Variants in MPRIP observed in about 807,000 individuals in gnomAD.
MPRIP encodes the protein myosin phosphatase Rho-interacting protein.
MPRIP carries 59 observed loss-of-function variants against 234.9 expected under a neutral mutation model. That is an observed-to-expected ratio of 0.25 (90% CI 0.20 to 0.31). The LOEUF is 0.31. Ranked by LOEUF, MPRIP falls within the 10% of genes least tolerant of loss-of-function variation. The probability of loss-of-function intolerance (pLI) is 1.00; values close to 1 mark genes in which losing one functional copy is unlikely to be tolerated. For synonymous variants in MPRIP, 1,144 were observed against 1,263.9 expected (o/e 0.91, Z 2.01); for missense variants, 2,436 against 3,071.0 (o/e 0.79, Z 4.89).
At chr17:17,134,397 G>A (rs1167015646) in intron 5 of MPRIP, among the ~76,000 whole-genome samples, 1 of 152,198 alleles carries the variant, frequency 6.6e-6, no homozygotes, top group Non-Finnish European at 1.5e-5. Context: ...AGGATGCTGT[G>A]CTTGGTGCAG....
chr17:17,173,394 C>T (rs2046186692), intron 18 of MPRIP, among the ~76,000 whole-genome samples: 1 of 152,244 alleles, frequency 6.6e-6, no homozygotes, highest in Non-Finnish European at 1.5e-5. Flanking sequence ...GAGCTGGCAG[C>T]AGTCAGCAGC....
At chr17:17,175,955 A>G (rs975045892) in intron 20 of MPRIP, among the ~76,000 whole-genome samples, 3 of 152,180 alleles carry the variant, frequency 2.0e-5, no homozygotes, top group Non-Finnish European at 4.4e-5. Context: ...TGGCAGTGAC[A>G]CTGAGAGGCC....
intron 12 of MPRIP, among the ~76,000 whole-genome samples, chr17:17,152,930 C>A (rs1481561041): frequency 1.3e-5 from 2 of 152,180 alleles, no homozygotes; most frequent in African/African-American, 4.8e-5. Flanking sequence ...GGGGGATCCC[C>A]TGGAATTCCG....
intron 5 of MPRIP, 116 bp downstream of exon 5, chr17:17,131,817 A>C (rs2090602405): frequency 1.1e-6 from 1 of 875,018 alleles, no homozygotes; most frequent in African/African-American, 1.7e-5. Flanking sequence ...TGAGGCAGTC[A>C]CCAACTCTGC....
intron 11 of MPRIP, chr17:17,149,704 TA>T (rs1351844348): frequency 1.1e-4 from 16 of 145,542 alleles, no homozygotes; most frequent in Admixed American, 9.9e-4. Context: ...TATTAATATA[TA>T]TTTTCATATA....
chr17:17,119,693 C>T lies in MPRIP; in HGVS notation c.268-7009C>T, dbSNP rs554492959. Among the ~76,000 whole-genome samples, 3 of 152,302 alleles carry T rather than the reference C, an allele frequency of 2.0e-5. No homozygotes were observed. The East Asian group carries it at 5.8e-4, about 29-fold the overall frequency. On this transcript the variant is annotated intron_variant, in intron 3 of 23. Coordinates refer to ENST00000651222, the MANE Select transcript of MPRIP (RefSeq NM_001364716.4). ...CTGCAAGGCAATTCCCTGTGTCCTC[C>T]CTAGAACGTGCCGAGCTGCCTGTCC...
At chr17:17,077,672 A>G in intron 2 of MPRIP, 1 of 244,662 alleles carries the variant, frequency 4.1e-6, no homozygotes, top group South Asian at 8.2e-5. Context: ...ATGTCATGTG[A>G]TGCATTCTAT....
intron 17 of MPRIP, 59 bp downstream of exon 17, chr17:17,171,924 C>CA: frequency 6.5e-7 from 1 of 1,541,420 alleles, no homozygotes; most frequent in African/African-American, 1.4e-5. Context: ...TTGAGCTAGA[C>CA]ACACAACTCA....
At chr17:17,183,451 C>T (rs1270682123) in intron 23 of MPRIP, among the ~76,000 whole-genome samples, 8 of 152,206 alleles carry the variant, frequency 5.3e-5, no homozygotes, top group Non-Finnish European at 1.0e-4. Flanking sequence ...CTCCTGACAT[C>T]GTGATCTGCC....
At chr17:17,071,512 G>A (rs1411839144) in intron 1 of MPRIP, among the ~76,000 whole-genome samples, 1 of 152,042 alleles carries the variant, frequency 6.6e-6, no homozygotes, top group Non-Finnish European at 1.5e-5. Flanking sequence ...ATACATGATG[G>A]CCCCAGGTTT....
chr17:17,087,423 G>A (rs2089616181), intron 3 of MPRIP, among the ~76,000 whole-genome samples: 1 of 152,220 alleles, frequency 6.6e-6, no homozygotes, highest in Non-Finnish European at 1.5e-5. Flanking sequence ...GTCATACGTG[G>A]ATGGCTGAGC....
intron 22 of MPRIP, 73 bp downstream of exon 22, chr17:17,177,485 G>A (rs1214930684): frequency 2.6e-6 from 4 of 1,514,344 alleles, no homozygotes; most frequent in East Asian, 2.3e-5. Context: ...AGGTTTCCCG[G>A]TGCTTGACTT....
intron 6 of MPRIP, 69 bp downstream of exon 6, chr17:17,136,519 GA>G (rs1597867089): frequency 1.4e-6 from 2 of 1,468,308 alleles, no homozygotes; most frequent in African/African-American, 1.4e-5. Context: ...TGGCCCTGGG[GA>G]TTCAGCCAAG....
At chr17:17,057,262 C>T (rs2088728178) in intron 1 of MPRIP, among the ~76,000 whole-genome samples, 1 of 152,214 alleles carries the variant, frequency 6.6e-6, no homozygotes, top group Admixed American at 6.5e-5. Context: ...CTGGACCATC[C>T]CTCAAGAGTC....
At chr17:17,141,286 G>T (rs1234735139) in intron 7 of MPRIP, among the ~76,000 whole-genome samples, 1 of 152,196 alleles carries the variant, frequency 6.6e-6, no homozygotes, top group African/African-American at 2.4e-5. Context: ...GTGGACGCCT[G>T]GCTTGCACTT....
intron 13 of MPRIP, 21 bp downstream of exon 13, chr17:17,154,436 G>A: frequency 7.5e-6 from 12 of 1,609,640 alleles, no homozygotes; most frequent in Non-Finnish European, 1.0e-5. Flanking sequence ...GAAGACACCA[G>A]GGAGCCCTTT....
rs746486290 is a variant in MPRIP, at chr17:17,158,849, C to T, written c.2247C>T (p.Asn749=). 1.7e-5 allele frequency: 27 copies of T among 1,611,690 alleles called. No individual in the cohort carries two copies. Among genetic ancestry groups the T allele is most frequent in the Non-Finnish European group, 2.0e-5 (24 of 1,180,006 alleles). Residue 749 remains asparagine (N), a synonymous_variant, in exon 14 of 24, where the codon AAC becomes AAT. Transcript: ENST00000651222. ...GLPMSDLKTH[N]VHVEIEQRWH... ...CTATGAGCGACCTCAAAACGCATAA[C>T]GTCCACGTGGAGATTGAGCAGCGGT...
In MPRIP at chr17:17,154,086, A is replaced by G. The variant is rs576630380; in HGVS notation, c.1720-220A>G. Among the ~76,000 whole-genome samples the G allele has an allele frequency of 2.0e-5, 3 of 151,966 alleles. No homozygotes were observed. In the South Asian group the frequency reaches 6.2e-4, roughly 32 times the overall value. On this transcript the variant is annotated intron_variant, in intron 12 of 23. Transcript: ENST00000651222. ...ACTGAGAGAAGATACCGGATTTACC[A>G]TTGCCACAAATACACGTCCCTCCCA... is the stretch of plus-strand genomic sequence containing the variant.
chr17:17,134,197 G>A (rs138002494), intron 5 of MPRIP, among the ~76,000 whole-genome samples: 2 of 152,336 alleles, frequency 1.3e-5, no homozygotes, highest in East Asian at 1.9e-4. Flanking sequence ...GCCATGCTCC[G>A]TGTTCCTGCT....
Sources: allele counts gnomAD v4.1 joint callset (sites outside exome capture counted in the v4.1 genomes callset), GRCh38; gene constraint gnomAD v4.1.1; transcripts MANE v1.5; gene names NCBI Gene and HGNC (gene_info 2026-07-23, HGNC 2026-07-21).